The following APOBEC3F variants were observed in gnomAD, a reference collection of about 807,000 sequenced individuals.
APOBEC3F encodes DNA dC->dU-editing enzyme APOBEC-3F.
In APOBEC3F, 34 loss-of-function variants were observed where a neutral mutation model predicts 45.8. That is an observed-to-expected ratio of 0.74 (90% CI 0.57 to 0.99). The LOEUF (loss-of-function observed/expected upper bound fraction) is 0.99. APOBEC3F is among the 50% of genes least tolerant of loss of function. The probability of loss-of-function intolerance (pLI) is 0.00; values close to 1 mark genes in which losing one functional copy is unlikely to be tolerated. For synonymous variants in APOBEC3F, 192 were observed against 174.4 expected (o/e 1.10, Z -0.80); for missense variants, 459 against 474.1 (o/e 0.97, Z 0.30).
intron 4 of APOBEC3F, among the ~76,000 whole-genome samples, chr22:39,048,209 T>G (rs1466764231): frequency 6.6e-6 from 1 of 152,238 alleles, no homozygotes; most frequent in Non-Finnish European, 1.5e-5. Context: ...ATGCAGAGGC[T>G]GGACAGGGCT....
chr22:39,050,268 CCT>C (rs1227204292), intron 5 of APOBEC3F, among the ~76,000 whole-genome samples: 1 of 151,556 alleles, frequency 6.6e-6, no homozygotes, highest in African/African-American at 2.4e-5. Context: ...CCGCCACTGC[CCT>C]GATTCCTCGA....
intron 6 of APOBEC3F, 60 bp downstream of exon 6, chr22:39,052,413 T>G (rs1411164555): frequency 7.8e-5 from 125 of 1,599,038 alleles, no homozygotes; most frequent in Middle Eastern, 5.0e-4. Flanking sequence ...GGGGCAGGTG[T>G]GTCTGCAATG....
Position 39,044,142 on chromosome 22 carries a change from C to T in APOBEC3F, c.172-799C>T, listed in dbSNP as rs751229426. Reference sequence around the variant, plus strand: ...TGCTCAGTAGCCCCTTTGGCCAGTGCGCCCCACCACATGGGACAGCGCAGG... The same window carrying T: ...TGCTCAGTAGCCCCTTTGGCCAGTGTGCCCCACCACATGGGACAGCGCAGG... On this transcript the variant is annotated intron_variant, in intron 2 of 6. Transcript: ENST00000308521. The T allele has an allele frequency of 5.1e-6, 8 of 1,576,822 alleles. No homozygotes were observed. The Admixed American group carries it at 5.6e-5, about 11-fold the overall frequency.
chr22:39,045,323 G>T (rs1458129402), intron 3 of APOBEC3F, 103 bp downstream of exon 3: 1 of 1,600,592 alleles, frequency 6.2e-7, no homozygotes, highest in African/African-American at 1.3e-5. Flanking sequence ...CAGCCTGCAG[G>T]GGCGGGGCCA....
chr22:39,047,771 C>CTAT (rs753438983), intron 4 of APOBEC3F, among the ~76,000 whole-genome samples: 16 of 152,024 alleles, frequency 1.1e-4, no homozygotes, highest in Non-Finnish European at 1.9e-4. Context: ...CACCCCTTTG[C>CTAT]TATTGCTCCC....
At chr22:39,047,325 C>T (rs1369571300) in intron 4 of APOBEC3F, among the ~76,000 whole-genome samples, 3 of 152,172 alleles carry the variant, frequency 2.0e-5, no homozygotes, top group Non-Finnish European at 4.4e-5. Context: ...CTCTGGAGGT[C>T]CTCCCATCCA....
intron 2 of APOBEC3F, 121 bp from the exon 3 acceptor site, chr22:39,044,820 A>G: frequency 6.5e-6 from 6 of 916,832 alleles, no homozygotes; most frequent in Non-Finnish European, 9.8e-6. Flanking sequence ...GGATGGAGGA[A>G]AGGAGCTTCA....
Position 39,055,109 on chromosome 22 carries a change from G to T in APOBEC3F, c.*2414G>T, listed in dbSNP as rs1362376477. Among the ~76,000 whole-genome samples, 4 of 139,488 alleles carry T rather than the reference G, an allele frequency of 2.9e-5. No homozygotes were observed. The highest frequency in any genetic ancestry group is 4.6e-5 in the Non-Finnish European group (3 of 65,182). 91.5% of individuals were successfully genotyped at this position (139,488 alleles called of 152,430 possible). A position where few individuals can be genotyped will look rare whatever the true frequency, so the allele number is the denominator to read the frequency against. On this transcript the variant is annotated 3_prime_UTR_variant, in exon 7 of 7. Transcript: ENST00000308521. Reference sequence around the variant, plus strand: ...TTTTTTTTCAGACAGTTTTGCTCTTGTTTTCTAGGCTGGAGTGCAATGGCA... The same window carrying T: ...TTTTTTTTCAGACAGTTTTGCTCTTTTTTTCTAGGCTGGAGTGCAATGGCA...
rs35716324 is a variant in APOBEC3F, at chr22:39,042,310, C to T, written c.18-627C>T. On this transcript the variant is annotated intron_variant, in intron 1 of 6. Coordinates refer to ENST00000308521, the MANE Select transcript of APOBEC3F (RefSeq NM_145298.6). ...GGGTGAATAGTTTTATTCTCTCTCTCTTTTTTTTTTTTTTTTTTGAGATGG... is the reference window on the plus strand; with the variant it reads ...GGGTGAATAGTTTTATTCTCTCTCTTTTTTTTTTTTTTTTTTTTGAGATGG... Among the ~76,000 whole-genome samples, 197 of 94,368 alleles carry T rather than the reference C, an allele frequency of 2.1e-3. 33 individuals carry two copies. Among genetic ancestry groups the T allele is most frequent in the Non-Finnish European group, 2.3e-3 (88 of 37,664 alleles). 61.9% of individuals were successfully genotyped at this position (94,368 alleles called of 152,430 possible).
intron 6 of APOBEC3F, 111 bp downstream of exon 6, chr22:39,052,464 G>C (rs892305412): frequency 1.8e-5 from 29 of 1,571,976 alleles, no homozygotes; most frequent in African/African-American, 2.7e-5. Context: ...TGCAGGGATG[G>C]CGCCAGTGTC....
intron 1 of APOBEC3F, among the ~76,000 whole-genome samples, chr22:39,042,300 T>TTC (rs765637778): frequency 2.6e-4 from 36 of 140,854 alleles, no homozygotes; most frequent in African/African-American, 8.8e-4. Context: ...AATAGTTTTA[T>TTC]TCTCTCTCTC....
chr22:39,044,917 C>G (rs1927125600), intron 2 of APOBEC3F, 24 bp from the exon 3 acceptor site: 1 of 1,605,076 alleles, frequency 6.2e-7, no homozygotes, highest in Admixed American at 1.7e-5. Context: ...TCAGAGCATC[C>G]CCTGCCCCCT....
rs111355262 is a variant in APOBEC3F, at chr22:39,055,366, A to G, written c.*2671A>G. Among the ~76,000 whole-genome samples, 140 of 147,158 alleles carry G rather than the reference A, an allele frequency of 9.5e-4. No homozygotes were observed. The highest frequency in any genetic ancestry group is 3.5e-3 in the African/African-American group (140 of 39,742). On this transcript the variant is annotated 3_prime_UTR_variant, in exon 7 of 7. Transcript: ENST00000308521. ...GGATTACAGATATAAGCCACCATAC[A>G]CAACTTTTTTTTTTTTTTGAGATGG...
chr22:39,049,401 G>C (rs1363242036), intron 4 of APOBEC3F, 24 bp from the exon 5 acceptor site: 1 of 1,612,248 alleles, frequency 6.2e-7, no homozygotes, highest in South Asian at 1.1e-5. Context: ...TCTCTGCATT[G>C]GGGTTTCTCT....
At position 39,051,494 on chromosome 22, in the gene APOBEC3F, G is replaced by C. The variant is rs1297368603; in HGVS notation, c.724-580G>C. On this transcript the variant is annotated intron_variant, in intron 5 of 6. Coordinates refer to ENST00000308521, the MANE Select transcript of APOBEC3F (RefSeq NM_145298.6). ...GGAGCTTGCAGTGAGCGGAGATCGC[G>C]CCACTGCACTACAGCATGGGTGACA... 4.0e-5 allele frequency among the ~76,000 whole-genome samples: 6 copies of C among 148,928 alleles called. No individual in the cohort carries two copies. The East Asian group carries it at 1.2e-3, about 29-fold the overall frequency.
chr22:39,046,816 A>G (rs907987581), intron 4 of APOBEC3F, among the ~76,000 whole-genome samples: 2 of 151,938 alleles, frequency 1.3e-5, no homozygotes, highest in African/African-American at 4.8e-5. Flanking sequence ...GGGTTTTGCA[A>G]TGTTGGCCAG....
intron 5 of APOBEC3F, 59 bp downstream of exon 5, chr22:39,049,640 AAC>A (rs1354046965): frequency 6.3e-7 from 1 of 1,590,862 alleles, no homozygotes; most frequent in African/African-American, 1.4e-5. Flanking sequence ...GAATGCAGAA[AAC>A]ACAATAAGTG....
At chr22:39,042,310 CTTT>C (rs759396493) in intron 1 of APOBEC3F, among the ~76,000 whole-genome samples, 3 of 94,372 alleles carry the variant, frequency 3.2e-5, no homozygotes, top group Non-Finnish European at 2.7e-5. Context: ...TTCTCTCTCT[CTTT>C]TTTTTTTTTT....
chr22:39,040,870 G>C lies in APOBEC3F; in HGVS notation c.-91G>C, dbSNP rs535530104. 2.1e-4 allele frequency: 321 copies of C among 1,550,384 alleles called. 2 individuals carry two copies. The South Asian group carries it at 3.2e-3, about 15-fold the overall frequency. ...TACGAGGCCCTGGGAGGTCACTTTAGGGAGGGCTGTCCTGAAACCTGGAGC... is the reference window on the plus strand; with the variant it reads ...TACGAGGCCCTGGGAGGTCACTTTACGGAGGGCTGTCCTGAAACCTGGAGC... On this transcript the variant is annotated 5_prime_UTR_variant, in exon 1 of 7. Transcript: ENST00000308521.
Sources: gnomAD v4.1 joint callset for allele counts (sites outside exome capture counted in the v4.1 genomes callset) on GRCh38, gnomAD v4.1.1 for gene constraint, MANE v1.5 for transcripts, NCBI Gene and HGNC (gene_info 2026-07-23, HGNC 2026-07-21) for gene names.